The following PNPLA6 variants were observed in gnomAD, a reference collection of about 807,000 sequenced individuals.
The protein encoded by PNPLA6 is patatin-like phospholipase domain-containing protein 6.
PNPLA6 carries 105 observed loss-of-function variants against 153.7 expected under a neutral mutation model. That is an observed-to-expected ratio of 0.68 (90% CI 0.58 to 0.80). The LOEUF (loss-of-function observed/expected upper bound fraction) is 0.80. Among genes scored for constraint, PNPLA6 ranks in the 30% least tolerant of loss-of-function variants. The probability of loss-of-function intolerance (pLI) is 0.00; values close to 1 mark genes in which losing one functional copy is unlikely to be tolerated. For synonymous variants in PNPLA6, 825 were observed against 822.2 expected, an observed-to-expected ratio of 1.00 and a Z score of -0.06; for missense variants, 1,423 against 1,919.3, an observed-to-expected ratio of 0.74 and a Z score of 4.83.
In PNPLA6 at chr19:7,535,991, T is replaced by G. The variant is rs1053077306; in HGVS notation, c.203T>G (p.Leu68Arg). The change falls in exon 1 of 32, where the codon CTC becomes CGC. Residue 68 changes from leucine to arginine, a missense_variant. This residue lies in a region of PNPLA6 where 109 missense variants were observed against 109.4 expected (regional missense o/e 1.00). Coordinates refer to ENST00000600737, the MANE Select transcript of PNPLA6 (RefSeq NM_001166114.2). This position sits in a 1 kb window ranked among gnomAD's most constrained non-coding sequence, Gnocchi z 5.0. ...GTGGTGGTCACGGCCGTGCTCATCC[T>G]CCTGGTGGTGCGGAGGCTGCGAGTG... ...VAVVVTAVLI[L>R]LVVRRLRVPK... The G allele has an allele frequency of 2.5e-6, 4 of 1,580,394 alleles. No individual in the cohort carries two copies. The highest frequency in any genetic ancestry group is 3.4e-6 in the Non-Finnish European group (4 of 1,164,718).
At position 7,540,515 on chromosome 19, in the gene PNPLA6, G is replaced by A. The variant is rs998987074; in HGVS notation, c.715-115G>A. ...AGATGCCTGCTCGTTGGAAGGGTTGGTGGGTTCCCCTGAGAAGGGATGAGA... is the reference window on the plus strand; with the variant it reads ...AGATGCCTGCTCGTTGGAAGGGTTGATGGGTTCCCCTGAGAAGGGATGAGA... On this transcript the variant is annotated intron_variant, in intron 5 of 31. Coordinates refer to ENST00000600737, the MANE Select transcript of PNPLA6 (RefSeq NM_001166114.2). This position sits in a 1 kb window ranked among gnomAD's most constrained non-coding sequence, Gnocchi z 6.8. The A allele has an allele frequency of 2.7e-5, 29 of 1,055,944 alleles. No homozygotes were observed. The highest frequency in any genetic ancestry group is 5.9e-6 in the Non-Finnish European group (4 of 679,620). The allele number at this position is 1,055,944 out of a possible 1,614,324, so 65.4% of individuals were successfully genotyped here. A position where few individuals can be genotyped will look rare whatever the true frequency, so the allele number is the denominator to read the frequency against.
At chr19:7,539,711 C>G (rs1568406760) in intron 3 of PNPLA6, among the ~76,000 whole-genome samples, 1 of 147,532 alleles carries the variant, frequency 6.8e-6, no homozygotes, top group Non-Finnish European at 1.5e-5. Flanking sequence ...GAGCCGAGAT[C>G]GCACCATTGC....
rs374709921 is a variant in PNPLA6, at chr19:7,540,798, C to T, written c.795+88C>T. 1.7e-4 allele frequency: 260 copies of T among 1,551,454 alleles called. 4 individuals carry two copies. In the East Asian group the frequency reaches 3.7e-3, roughly 22 times the overall value. On this transcript the variant is annotated intron_variant, in intron 6 of 31. Coordinates refer to ENST00000600737, the MANE Select transcript of PNPLA6 (RefSeq NM_001166114.2). This position sits in a 1 kb window ranked among gnomAD's most constrained non-coding sequence, Gnocchi z 6.8. ...TGAAGGAAATCACAGGGTCCCCAAT[C>T]TCTGGTTCATCCGTTATGCTGCCGA...
At position 7,550,088 on chromosome 19, in the gene PNPLA6, G is replaced by A. The variant is rs2023576764; in HGVS notation, c.1790G>A (p.Arg597Gln). Residue 597 changes from arginine (R) to glutamine (Q), a missense_variant, in exon 14 of 32, where the codon CGG becomes CAG. Arg to Gln is a conservative substitution (Grantham distance 43). This residue lies in a region of PNPLA6 where 119 missense variants were observed against 163.7 expected (regional missense o/e 0.73). Transcript: ENST00000600737. ...LRAQRDCTFL[R>Q]ISKSDFYEIM... ...GCCCAACGCGACTGCACCTTCCTGCGGATCTCCAAGTCCGACTTCTATGAG... is the reference window on the plus strand; with the variant it reads ...GCCCAACGCGACTGCACCTTCCTGCAGATCTCCAAGTCCGACTTCTATGAG... 4.3e-6 allele frequency: 7 copies of A among 1,613,962 alleles called. No individual in the cohort carries two copies. Among genetic ancestry groups the A allele is most frequent in the South Asian group, 3.3e-5 (3 of 91,090 alleles).
chr19:7,540,621 G>T lies in PNPLA6; in HGVS notation c.715-9G>T, dbSNP rs939471819. 6.2e-7 allele frequency: 1 copy of T among 1,611,236 alleles called. No homozygotes were observed. On this transcript the variant is annotated splice_polypyrimidine_tract_variant and intron_variant, in intron 5 of 31. Transcript: ENST00000600737. The surrounding 1 kb of genome is among the most constrained non-coding windows in gnomAD (Gnocchi z 6.8). ...GGCCACTGAGGGTCCACGGTCTCCT[G>T]TGTCTCAGGACGGGAAGGAGTGTGT...
chr19:7,550,897 G>A, intron 16 of PNPLA6, 97 bp from the exon 17 acceptor site: 2 of 1,001,658 alleles, frequency 2.0e-6, no homozygotes, highest in South Asian at 2.8e-5. Flanking sequence ...CCCATTGCAG[G>A]GGAGCCCTAG....
upstream of PNPLA6, chr19:7,535,558 C>T (rs774226322): frequency 3.1e-6 from 5 of 1,604,430 alleles, no homozygotes; most frequent in South Asian, 5.6e-5. The surrounding 1 kb of genome is among the most constrained non-coding windows in gnomAD (Gnocchi z 5.0). Context: ...CCGATGGAGG[C>T]TCCGCTGCAA....
In PNPLA6 at chr19:7,555,519, T is replaced by C. The variant is rs372504779; in HGVS notation, c.2937-88T>C. The C allele has an allele frequency of 1.1e-5, 16 of 1,489,260 alleles. No homozygotes were observed. Among genetic ancestry groups the C allele is most frequent in the Middle Eastern group, 2.4e-4 (1 of 4,208 alleles). 92.3% of individuals were successfully genotyped at this position (1,489,260 alleles called of 1,614,324 possible). ...GGGTAGGGGCGGGTCCTTTGTTCCT[T>C]AGCAGTGCGGGAGGTGGGAGGAGGT... On this transcript the variant is annotated intron_variant, in intron 23 of 31. Coordinates refer to ENST00000600737, the MANE Select transcript of PNPLA6 (RefSeq NM_001166114.2). The surrounding 1 kb of genome is among the most constrained non-coding windows in gnomAD (Gnocchi z 6.3).
At chr19:7,535,323 C>G, upstream of PNPLA6, 1 of 624,228 alleles carries the variant, frequency 1.6e-6, no homozygotes, top group Non-Finnish European at 2.9e-6. This position sits in a 1 kb window ranked among gnomAD's most constrained non-coding sequence, Gnocchi z 5.0. Flanking sequence ...TGGCCAGGGC[C>G]GAGAGGTCGG....
chr19:7,556,638 G>A lies in PNPLA6; in HGVS notation c.3211-17G>A, dbSNP rs745545397. 3.7e-6 allele frequency: 6 copies of A among 1,609,800 alleles called. No homozygotes were observed. The Admixed American group carries it at 5.0e-5, about 13-fold the overall frequency. Reference sequence around the variant, plus strand: ...GAGCCCCCTGCTCCTCCCCCACCTCGATCCCTGTCCCCGCAGGACCTGTGG... The same window carrying A: ...GAGCCCCCTGCTCCTCCCCCACCTCAATCCCTGTCCCCGCAGGACCTGTGG... On this transcript the variant is annotated splice_polypyrimidine_tract_variant and intron_variant, in intron 25 of 31. Coordinates refer to ENST00000600737, the MANE Select transcript of PNPLA6 (RefSeq NM_001166114.2).
chr19:7,541,412 T>G lies in PNPLA6; in HGVS notation c.983T>G (p.Leu328Arg). The G allele has an allele frequency of 6.2e-7, 1 of 1,614,022 alleles. No individual in the cohort carries two copies. Among genetic ancestry groups the G allele is most frequent in the Non-Finnish European group, 8.5e-7 (1 of 1,179,938 alleles). ...TFLALHNYLGLTNELFSHEIQ... is the reference protein window; with the variant it reads ...TFLALHNYLGRTNELFSHEIQ... ...CTGGCACTGCACAACTACCTGGGTCTGACCAATGAGCTCTTCAGCCACGTG... is the reference window on the plus strand; with the variant it reads ...CTGGCACTGCACAACTACCTGGGTCGGACCAATGAGCTCTTCAGCCACGTG... Residue 328 changes from leucine to arginine, a missense_variant, in exon 8 of 32, where the codon CTG (leucine) becomes CGG (arginine). Leu to Arg is a moderately radical substitution (Grantham distance 102). Coordinates refer to ENST00000600737, the MANE Select transcript of PNPLA6 (RefSeq NM_001166114.2). The surrounding 1 kb of genome is among the most constrained non-coding windows in gnomAD (Gnocchi z 5.2).
In PNPLA6 at chr19:7,555,448, G is replaced by A; in HGVS notation, c.2936+81G>A. 1 of 1,342,618 alleles carries A rather than the reference G, an allele frequency of 7.4e-7. No homozygotes were observed. Among genetic ancestry groups the A allele is most frequent in the South Asian group, 1.3e-5 (1 of 78,466 alleles). 83.2% of individuals were successfully genotyped at this position (1,342,618 alleles called of 1,614,324 possible). A position where few individuals can be genotyped will look rare whatever the true frequency, so the allele number is the denominator to read the frequency against. The stretch of plus-strand genomic sequence containing the variant: ...TCCTGGGAGAAACCGTGGGGGCGGG[G>A]CCTGGGTGTTCGAGGGTGGAGCTTC... On this transcript the variant is annotated intron_variant, in intron 23 of 31. Coordinates refer to ENST00000600737, the MANE Select transcript of PNPLA6 (RefSeq NM_001166114.2). This position sits in a 1 kb window ranked among gnomAD's most constrained non-coding sequence, Gnocchi z 6.3.
chr19:7,555,206 C>T lies in PNPLA6; in HGVS notation c.2818-43C>T, dbSNP rs768975037. ...GTACCCCTGGGGGATCCGCCGGACC[C>T]CGCCCTCATGCTCCTGGGTCGCGAC... is the stretch of plus-strand genomic sequence containing the variant. On this transcript the variant is annotated intron_variant, in intron 22 of 31. Transcript: ENST00000600737. This position sits in a 1 kb window ranked among gnomAD's most constrained non-coding sequence, Gnocchi z 6.3. 2 of 1,548,824 alleles carry T rather than the reference C, an allele frequency of 1.3e-6. No homozygotes were observed. Among genetic ancestry groups the T allele is most frequent in the South Asian group, 2.3e-5 (2 of 86,398 alleles).
At chr19:7,554,520 AACCCCAGGATG>A in intron 20 of PNPLA6, 24 bp from the exon 21 acceptor site, 1 of 1,613,234 alleles carries the variant, frequency 6.2e-7, no homozygotes, top group Non-Finnish European at 8.5e-7. Context: ...ACCCCAGGCC[AACCCCAGGATG>A]ACGCTGCCCC....
chr19:7,557,094 C>T (rs536748540), intron 26 of PNPLA6, 74 bp from the exon 27 acceptor site: 420 of 1,139,026 alleles, frequency 3.7e-4, no homozygotes, highest in Non-Finnish European at 5.0e-4. Context: ...TCAGCGAGCC[C>T]ATCGGGCCGG....
chr19:7,561,126 GAC>G lies in PNPLA6; in HGVS notation c.3913+17_3913+18del, dbSNP rs1491487392. ...TGTGCTGACGGTGAGGGGCCCAGGG[GAC>G]CCCCCAAGAGGGAGGGGAGTGGCTG... is the stretch of plus-strand genomic sequence containing the variant. On this transcript the variant is annotated intron_variant, in intron 30 of 31. Transcript: ENST00000600737. 10 of 1,550,438 alleles carry G rather than the reference GAC, an allele frequency of 6.4e-6. No individual in the cohort carries two copies. The highest frequency in any genetic ancestry group is 8.7e-6 in the Non-Finnish European group (10 of 1,153,226).
chr19:7,556,370 C>A, intron 24 of PNPLA6, 83 bp from the exon 25 acceptor site: 1 of 867,454 alleles, frequency 1.2e-6, no homozygotes, highest in Non-Finnish European at 2.0e-6. Context: ...CCCCTAAGTG[C>A]TGCTTGCTCA....
intron 28 of PNPLA6, 87 bp from the exon 29 acceptor site, chr19:7,560,561 C>A: frequency 1.1e-6 from 1 of 930,560 alleles, no homozygotes; most frequent in Non-Finnish European, 1.8e-6. Flanking sequence ...GAGAATCAGG[C>A]TTTTGAGGGG....
In PNPLA6 at chr19:7,554,949, C is replaced by A; in HGVS notation, c.2691C>A (p.Leu897=). 6.3e-7 allele frequency: 1 copy of A among 1,590,218 alleles called. No individual in the cohort carries two copies. Among genetic ancestry groups the A allele is most frequent in the Non-Finnish European group, 8.5e-7 (1 of 1,174,900 alleles). The change falls in exon 22 of 32, where the codon CTC becomes CTA. Residue 897 remains leucine, a synonymous_variant. Transcript: ENST00000600737. The part of the protein sequence containing the change: ...AVRALKQLVL[L]HREEGAGPTR... The stretch of plus-strand genomic sequence containing the variant: ...GCGCCCTTAAGCAGCTAGTCCTGCT[C>A]CACCGAGAGGAGGGCGCGGGCCCCA...
Sources: allele counts gnomAD v4.1 joint callset (sites outside exome capture counted in the v4.1 genomes callset), GRCh38; gene constraint gnomAD v4.1.1; regional missense constraint gnomAD v4.1.1; non-coding constraint Gnocchi (gnomAD v3.1); transcripts MANE v1.5; gene names NCBI Gene and HGNC (gene_info 2026-07-23, HGNC 2026-07-21).